Variants in GATAD2B observed in about 807,000 individuals in gnomAD.
GATAD2B encodes GATA zinc finger domain containing 2B, also known as transcriptional repressor p66-beta.
A neutral mutation model predicts 64.3 loss-of-function variants in GATAD2B; 8 were observed. The observed-to-expected ratio is 0.12, with a 90% CI of 0.07 to 0.22. The LOEUF (loss-of-function observed/expected upper bound fraction) is 0.22, where lower values mean the gene tolerates loss of function less well. Ranked by LOEUF, GATAD2B falls within the 10% of genes least tolerant of loss-of-function variation. GATAD2B has a pLI of 1.00. For missense variants in GATAD2B, 453 were observed against 752.0 expected (o/e 0.60, Z 4.65); for synonymous variants, 281 against 271.3 (o/e 1.04, Z -0.35).
At chr1:153,820,807 T>C (rs1309802155) in intron 2 of GATAD2B, among the ~76,000 whole-genome samples, 4 of 151,720 alleles carry the variant, frequency 2.6e-5, no homozygotes, top group Non-Finnish European at 5.9e-5. Context: ...TTTTTGTACT[T>C]TTTGTAGAGA....
At position 153,804,975 on chromosome 1, in the gene GATAD2B, T is replaced by G. The variant is rs1674066762; in HGVS notation, c.*5202A>C. On this transcript the variant is annotated 3_prime_UTR_variant, in exon 11 of 11. Transcript: ENST00000368655. ...AAATCAGAATGAGTTAAAAAAGAAATAAAGGAAACTTAAAGAGAGTTGTGC... is the reference window on the plus strand; with the variant it reads ...AAATCAGAATGAGTTAAAAAAGAAAGAAAGGAAACTTAAAGAGAGTTGTGC... 6.6e-6 allele frequency: 1 copy of G among 152,106 alleles called. No homozygotes were observed. Among genetic ancestry groups the G allele is most frequent in the Non-Finnish European group, 1.5e-5 (1 of 68,022 alleles). The allele number at this position is 152,106 out of a possible 1,614,324, so 9.4% of individuals were successfully genotyped here.
At chr1:153,903,065 A>C (rs979126454) in intron 1 of GATAD2B, among the ~76,000 whole-genome samples, 1 of 152,030 alleles carries the variant, frequency 6.6e-6, no homozygotes, top group Non-Finnish European at 1.5e-5. Flanking sequence ...AAAATACAAA[A>C]AAATTAGCCG....
intron 1 of GATAD2B, among the ~76,000 whole-genome samples, chr1:153,899,498 T>C (rs1677701582): frequency 6.7e-6 from 1 of 150,298 alleles, no homozygotes; most frequent in South Asian, 2.1e-4. Flanking sequence ...ACCCAGGATG[T>C]GGAGGTTGCA....
In GATAD2B at chr1:153,828,231, G is replaced by A. The variant is rs1219732783; in HGVS notation, c.117C>T (p.Ala39=). The change falls in exon 2 of 11, where the codon GCC becomes GCT. Residue 39 remains alanine, a synonymous_variant. Coordinates refer to ENST00000368655, the MANE Select transcript of GATAD2B (RefSeq NM_020699.4). ...AKRLKMEGHE[A]MERLKMLALL... ...ATGCCAACATTTTCAGACGTTCCAT[G>A]GCCTCATGCCCCTCCATTTTGAGTC... 7 of 1,614,120 alleles carry A rather than the reference G, an allele frequency of 4.3e-6. No homozygotes were observed. The highest frequency in any genetic ancestry group is 1.7e-5 in the Admixed American group (1 of 60,006).
chr1:153,889,396 G>T (rs1445950680), intron 1 of GATAD2B, among the ~76,000 whole-genome samples: 1 of 108,548 alleles, frequency 9.2e-6, no homozygotes, highest in Non-Finnish European at 1.7e-5. Context: ...TGGGCAACAA[G>T]AGCGAAACCC....
intron 1 of GATAD2B, among the ~76,000 whole-genome samples, chr1:153,901,012 G>A (rs1354086394): frequency 2.0e-5 from 3 of 151,960 alleles, no homozygotes; most frequent in East Asian, 1.9e-4. Flanking sequence ...TCACGAGTTC[G>A]AGACCAGCCT....
intron 1 of GATAD2B, among the ~76,000 whole-genome samples, chr1:153,842,365 A>G (rs1037871388): frequency 1.3e-5 from 2 of 152,044 alleles, no homozygotes; most frequent in African/African-American, 4.8e-5. Flanking sequence ...TATGTATTTT[A>G]GATACTAGTT....
chr1:153,830,483 T>TTTTA lies in GATAD2B; in HGVS notation c.-1-2136_-1-2135insTAAA, dbSNP rs1553190007. On this transcript the variant is annotated intron_variant, in intron 1 of 10. Coordinates refer to ENST00000368655, the MANE Select transcript of GATAD2B (RefSeq NM_020699.4). ...TATTTTATTTTATTTTATTTATTTA[T>TTTTA]TTTTTTTTTTGAGACAGAGTCTCGC... Among the ~76,000 whole-genome samples, 36 of 126,394 alleles carry TTTTA rather than the reference T, an allele frequency of 2.8e-4. 1 individual carries two copies. The highest frequency in any genetic ancestry group is 5.7e-3 in the Middle Eastern group (1 of 174). The allele number at this position is 126,394 out of a possible 152,430, so 82.9% of individuals were successfully genotyped here.
intron 10 of GATAD2B, 82 bp from the exon 11 acceptor site, chr1:153,810,392 G>T: frequency 7.0e-7 from 1 of 1,419,302 alleles, no homozygotes; most frequent in Non-Finnish European, 9.8e-7. Flanking sequence ...GGGCTGCAGA[G>T]TTGGAGATGG....
At position 153,808,029 on chromosome 1, in the gene GATAD2B, G is replaced by C. The variant is rs1674161600; in HGVS notation, c.*2148C>G. On this transcript the variant is annotated 3_prime_UTR_variant, in exon 11 of 11. Coordinates refer to ENST00000368655, the MANE Select transcript of GATAD2B (RefSeq NM_020699.4). Reference sequence around the variant, plus strand: ...ATTTATCCAGTGCTTTCAAAGCACAGAGGGCAAAGAAAAGATGTAAGAATA... The same window carrying C: ...ATTTATCCAGTGCTTTCAAAGCACACAGGGCAAAGAAAAGATGTAAGAATA... 1 of 152,432 alleles carries C rather than the reference G, an allele frequency of 6.6e-6. No homozygotes were observed. The highest frequency in any genetic ancestry group is 1.5e-5 in the Non-Finnish European group (1 of 68,028). The allele number at this position is 152,432 out of a possible 1,614,324, so 9.4% of individuals were successfully genotyped here. A position where few individuals can be genotyped will look rare whatever the true frequency, so the allele number is the denominator to read the frequency against.
chr1:153,872,549 A>G (rs1157317193), intron 1 of GATAD2B, among the ~76,000 whole-genome samples: 1 of 138,680 alleles, frequency 7.2e-6, no homozygotes, highest in Non-Finnish European at 1.6e-5. Flanking sequence ...ATATTACATA[A>G]TATCAAAAAA....
intron 1 of GATAD2B, among the ~76,000 whole-genome samples, chr1:153,831,872 G>C (rs934546793): frequency 6.6e-6 from 1 of 152,174 alleles, no homozygotes; most frequent in African/African-American, 2.4e-5. Flanking sequence ...GTACAGCCAT[G>C]CCTCATTTTA....
chr1:153,815,272 C>CAAAAA (rs1369262441), intron 7 of GATAD2B, among the ~76,000 whole-genome samples: 1 of 17,920 alleles, frequency 5.6e-5, no homozygotes, highest in African/African-American at 1.7e-4. Flanking sequence ...GACCCTGTCT[C>CAAAAA]AAAAAAACAA....
chr1:153,881,411 T>TGGC (rs1677005840), intron 1 of GATAD2B, among the ~76,000 whole-genome samples: 1 of 152,148 alleles, frequency 6.6e-6, no homozygotes, highest in Non-Finnish European at 1.5e-5. Flanking sequence ...CCAGAGACCC[T>TGGC]TACCATTATA....
intron 1 of GATAD2B, among the ~76,000 whole-genome samples, chr1:153,833,990 G>GT (rs375520483): frequency 5.1e-4 from 75 of 147,468 alleles, no homozygotes; most frequent in South Asian, 3.3e-3. Flanking sequence ...TTTTTTTTAT[G>GT]TTTTTTTTTG....
chr1:153,811,847 G>C lies in GATAD2B; in HGVS notation c.1532C>G (p.Ala511Gly), dbSNP rs1310200995. Residue 511 changes from alanine to glycine, a missense_variant and splice_region_variant, in exon 10 of 11, where the codon GCT becomes GGT. Ala to Gly is a moderately conservative substitution (Grantham distance 60, BLOSUM62 0). Around this residue, in one of 2 missense-constraint regions of GATAD2B, gnomAD observed 160 missense variants for 334.7 expected, o/e 0.48. Transcript: ENST00000368655. Reference protein sequence around the residue: ...TIMRHHTLRQAPQPQSSLQRG... With the variant: ...TIMRHHTLRQGPQPQSSLQRG... ...CTGGAGGCTGCTCTGGGGCTGTGGA[G>C]CCTGCAATGATGAGGAGACAGTGGA... The C allele has an allele frequency of 6.3e-7, 1 of 1,596,576 alleles. No homozygotes were observed. Among genetic ancestry groups the C allele is most frequent in the South Asian group, 1.1e-5 (1 of 90,012 alleles).
At chr1:153,821,480 T>A (rs182102229) in intron 2 of GATAD2B, among the ~76,000 whole-genome samples, 34 of 152,286 alleles carry the variant, frequency 2.2e-4, no homozygotes, top group Non-Finnish European at 4.3e-4. Flanking sequence ...GCTGAGAAGG[T>A]AGAAATACAG....
chr1:153,840,463 G>C (rs911884423), intron 1 of GATAD2B, among the ~76,000 whole-genome samples: 1 of 151,822 alleles, frequency 6.6e-6, no homozygotes, highest in Non-Finnish European at 1.5e-5. Flanking sequence ...TCAGCCTCCC[G>C]AGTAGCTAGG....
At position 153,807,308 on chromosome 1, in the gene GATAD2B, A is replaced by C. The variant is rs1434760550; in HGVS notation, c.*2869T>G. The C allele has an allele frequency of 6.6e-6, 1 of 152,206 alleles. No homozygotes were observed. The highest frequency in any genetic ancestry group is 1.9e-4 in the East Asian group (1 of 5,204). The allele number at this position is 152,206 out of a possible 1,614,324, so 9.4% of individuals were successfully genotyped here. A position where few individuals can be genotyped will look rare whatever the true frequency, so the allele number is the denominator to read the frequency against. On this transcript the variant is annotated 3_prime_UTR_variant, in exon 11 of 11. Transcript: ENST00000368655. ...CAGAGCCTGGAGATGGATAGTAACAAGTAGACTTGGAGGGACACAAGGCAA... is the reference window on the plus strand; with the variant it reads ...CAGAGCCTGGAGATGGATAGTAACACGTAGACTTGGAGGGACACAAGGCAA...
Sources: allele counts gnomAD v4.1 joint callset (sites outside exome capture counted in the v4.1 genomes callset), GRCh38; gene constraint gnomAD v4.1.1; regional missense constraint gnomAD v4.1.1; transcripts MANE v1.5; gene names NCBI Gene and HGNC (gene_info 2026-07-23, HGNC 2026-07-21).